SLC28A3: variants seen among roughly 807,000 people sequenced by gnomAD.
SLC28A3 encodes solute carrier family 28 member 3, also known as concentrative Na(+)-nucleoside cotransporter 3.
In SLC28A3, 68 loss-of-function variants were observed where a neutral mutation model predicts 84.2. The observed-to-expected ratio is 0.81, with a 90% CI of 0.66 to 0.99. The LOEUF (loss-of-function observed/expected upper bound fraction) is 0.99. SLC28A3 is among the 50% of genes least tolerant of loss of function. The pLI is 0.00. For synonymous variants in SLC28A3, 267 were observed against 303.6 expected (o/e 0.88, Z 1.25); for missense variants, 712 against 841.5 (o/e 0.85, Z 1.90).
chr9:84,324,561 T>C (rs1038759872), intron 1 of SLC28A3, among the ~76,000 whole-genome samples: 6 of 151,902 alleles, frequency 3.9e-5, no homozygotes, highest in South Asian at 2.1e-4. Context: ...GGAGGATTGC[T>C]TGAGCTTCAG....
chr9:84,278,334 T>C lies in SLC28A3; in HGVS notation c.1960A>G (p.Lys654Glu), dbSNP rs769014951. ...CCTGGGATGACTTCACCAGGACCCT[T>C]GGCAACAGTGCTGGTGGAAAGTGGA... ...CQSLLSSTVA[K>E]GPGEVIPGGN... Residue 654 changes from lysine to glutamate, a missense_variant, in exon 18 of 18, where the codon AAG (lysine) becomes GAG (glutamate). By Grantham distance (56) the Lys-to-Glu change is moderately conservative. Coordinates refer to ENST00000376238, the MANE Select transcript of SLC28A3 (RefSeq NM_001199633.2). The C allele has an allele frequency of 1.2e-6, 2 of 1,613,950 alleles. No homozygotes were observed. Among genetic ancestry groups the C allele is most frequent in the Non-Finnish European group, 1.7e-6 (2 of 1,179,986 alleles).
intron 1 of SLC28A3, among the ~76,000 whole-genome samples, chr9:84,331,954 G>T (rs979669170): frequency 6.6e-6 from 1 of 152,126 alleles, no homozygotes; most frequent in African/African-American, 2.4e-5. Context: ...TGGGGAAAAG[G>T]TTCTTTTTTA....
At chr9:84,302,009 TG>T (rs1421003241) in intron 5 of SLC28A3, among the ~76,000 whole-genome samples, 190 bp downstream of exon 5, 1 of 152,228 alleles carries the variant, frequency 6.6e-6, no homozygotes, top group African/African-American at 2.4e-5. Context: ...ACATTTCAAA[TG>T]AGTCATTGCC....
intron 14 of SLC28A3, 101 bp downstream of exon 14, chr9:84,285,244 C>G: frequency 8.5e-7 from 1 of 1,183,384 alleles, no homozygotes; most frequent in Non-Finnish European, 1.2e-6. Context: ...CTAATCTATC[C>G]CAGGTGCCTG....
At chr9:84,352,892 C>CAAAAAA in the SLC28A3 span, among the ~76,000 whole-genome samples, 1 of 72,806 alleles carries the variant, frequency 1.4e-5, no homozygotes, top group African/African-American at 5.7e-5. Flanking sequence ...GATTCTGTCT[C>CAAAAAA]AAAAAAAAAA....
At chr9:84,280,961 T>G in intron 14 of SLC28A3, 79 bp from the exon 15 acceptor site, 1 of 1,331,444 alleles carries the variant, frequency 7.5e-7, no homozygotes, top group Non-Finnish European at 1.1e-6. Flanking sequence ...GGCTTCATTT[T>G]GACCATAAAT....
intron 15 of SLC28A3, 56 bp downstream of exon 15, chr9:84,280,745 G>T: frequency 6.4e-7 from 1 of 1,564,304 alleles, no homozygotes; most frequent in Non-Finnish European, 8.8e-7. Flanking sequence ...GCAAAATGGG[G>T]ATCCAAGTAT....
At chr9:84,301,349 CAAAAAAAAAAAA>C (rs59917986) in intron 5 of SLC28A3, among the ~76,000 whole-genome samples, 2 of 44,716 alleles carry the variant, frequency 4.5e-5, no homozygotes, top group African/African-American at 6.2e-5. Context: ...GACTCTGTCT[CAAAAAAAAAAAA>C]AAAAAAAAAA....
chr9:84,299,543 A>G, intron 6 of SLC28A3, 38 bp downstream of exon 6: 1 of 1,611,048 alleles, frequency 6.2e-7, no homozygotes, highest in Middle Eastern at 1.7e-4. Context: ...ATGGGGAGAA[A>G]AAGAAAAAAG....
chr9:84,314,246 T>G (rs746839169), intron 1 of SLC28A3, among the ~76,000 whole-genome samples: 2 of 152,174 alleles, frequency 1.3e-5, no homozygotes, highest in Non-Finnish European at 2.9e-5. Context: ...TTGATTTTAC[T>G]TTAAGGAACT....
chr9:84,275,952 A>G lies in SLC28A3; in HGVS notation c.*2266T>C, dbSNP rs1015945583. 1 of 152,200 alleles carries G rather than the reference A, an allele frequency of 6.6e-6. No individual in the cohort carries two copies. The highest frequency in any genetic ancestry group is 1.5e-5 in the Non-Finnish European group (1 of 68,044). The allele number at this position is 152,200 out of a possible 1,614,324, so 9.4% of individuals were successfully genotyped here. ...AAGACAACATATTTCTCCAAAAACC[A>G]GTCTGACATCTTATAATACCAGAAA... is the stretch of plus-strand genomic sequence containing the variant. On this transcript the variant is annotated 3_prime_UTR_variant, in exon 18 of 18. Transcript: ENST00000376238.
At chr9:84,331,339 T>C (rs966723102) in intron 1 of SLC28A3, among the ~76,000 whole-genome samples, 2 of 152,160 alleles carry the variant, frequency 1.3e-5, no homozygotes, top group African/African-American at 4.8e-5. Context: ...CCCAGGCTAG[T>C]GGGTTAAGGA....
rs114807577 is a variant in SLC28A3, at chr9:84,340,037, G to C, written c.60+537C>G. On this transcript the variant is annotated intron_variant, in intron 1 of 17. Transcript: ENST00000376238. ...CCAGTCAAAATAGCCTGGTGTTTCT[G>C]ACAGGTCTCCTTCTATGTCTCTGCG... Among the ~76,000 whole-genome samples, 315 of 152,302 alleles carry C rather than the reference G, an allele frequency of 2.1e-3. 1 individual carries two copies. The highest frequency in any genetic ancestry group is 7.2e-3 in the African/African-American group (301 of 41,568).
the SLC28A3 span, among the ~76,000 whole-genome samples, chr9:84,353,106 G>A: frequency 2.6e-5 from 4 of 151,954 alleles, no homozygotes; most frequent in African/African-American, 9.7e-5. Context: ...GTAATTATTA[G>A]TGACATTAAA....
At chr9:84,282,009 G>T (rs181741828) in intron 14 of SLC28A3, among the ~76,000 whole-genome samples, 7 of 152,298 alleles carry the variant, frequency 4.6e-5, no homozygotes, top group Non-Finnish European at 2.9e-5. Flanking sequence ...AGGCATGATG[G>T]TGTGTGCCTG....
intron 17 of SLC28A3, 91 bp downstream of exon 17, chr9:84,279,172 CAA>C (rs11309306): frequency 0.026 from 24,442 of 925,336 alleles, no homozygotes; most frequent in East Asian, 0.059. Context: ...GACTCCGTCT[CAA>C]AAAAAAAAAA....
rs1824562501 is a variant in SLC28A3, at chr9:84,277,401, G to C, written c.*817C>G. 1.3e-5 allele frequency: 2 copies of C among 152,232 alleles called. No homozygotes were observed. Among genetic ancestry groups the C allele is most frequent in the African/African-American group, 2.4e-5 (1 of 41,464 alleles). 9.4% of individuals were successfully genotyped at this position (152,232 alleles called of 1,614,324 possible). ...TGGAAGTAAAGGGTATCATTTCCTAGCGGAAGATGAAAGAGCCATCATGTG... is the reference window on the plus strand; with the variant it reads ...TGGAAGTAAAGGGTATCATTTCCTACCGGAAGATGAAAGAGCCATCATGTG... On this transcript the variant is annotated 3_prime_UTR_variant, in exon 18 of 18. Coordinates refer to ENST00000376238, the MANE Select transcript of SLC28A3 (RefSeq NM_001199633.2).
intron 6 of SLC28A3, among the ~76,000 whole-genome samples, chr9:84,298,238 G>A (rs1295775145): frequency 6.6e-6 from 1 of 152,126 alleles, no homozygotes; most frequent in Non-Finnish European, 1.5e-5. Context: ...TGTAATCCTA[G>A]CACTTTGGGA....
chr9:84,360,825 A>G, the SLC28A3 span, among the ~76,000 whole-genome samples: 1 of 152,038 alleles, frequency 6.6e-6, no homozygotes, highest in African/African-American at 2.4e-5. Flanking sequence ...CTGAGGTGGA[A>G]GGATCGCTTG....
Sources: allele counts gnomAD v4.1 joint callset (sites outside exome capture counted in the v4.1 genomes callset), GRCh38; gene constraint gnomAD v4.1.1; transcripts MANE v1.5; gene names NCBI Gene and HGNC (gene_info 2026-07-23, HGNC 2026-07-21).